STRN: variants seen among roughly 807,000 people sequenced by gnomAD.
The protein encoded by STRN is striatin.
Under a neutral mutation model 96.3 loss-of-function variants are expected in STRN, and 53 were observed. The observed-to-expected ratio is 0.55, with a 90% CI of 0.44 to 0.69. The LOEUF (loss-of-function observed/expected upper bound fraction) is 0.69, where lower values mean the gene tolerates loss of function less well. STRN is among the 30% of genes least tolerant of loss of function. The pLI is 0.00. For missense variants in STRN, 987 were observed against 963.9 expected, an observed-to-expected ratio of 1.02 and a Z score of -0.32; for synonymous variants, 428 against 355.9, an observed-to-expected ratio of 1.20 and a Z score of -2.28.
intron 11 of STRN, 137 bp downstream of exon 11, chr2:36,869,417 C>T: frequency 1.1e-6 from 1 of 873,272 alleles, no homozygotes; most frequent in Non-Finnish European, 1.6e-6. Context: ...AATGGAAAAA[C>T]ACAATAAATT....
In STRN at chr2:36,849,325, A is replaced by G; in HGVS notation, c.*131T>C. On this transcript the variant is annotated 3_prime_UTR_variant, in exon 18 of 18. Transcript: ENST00000263918. ...TATATGAATTGCAAAACTATACTTC[A>G]ACAAATGTTCTCTGTGCTCCTTCAG... is the stretch of plus-strand genomic sequence containing the variant. 1 of 1,110,312 alleles carries G rather than the reference A, an allele frequency of 9.0e-7. No individual in the cohort carries two copies. Among genetic ancestry groups the G allele is most frequent in the East Asian group, 2.5e-5 (1 of 39,814 alleles). 68.8% of individuals were successfully genotyped at this position (1,110,312 alleles called of 1,614,324 possible).
At chr2:36,851,168 G>C (rs1024142529) in intron 15 of STRN, 61 bp from the exon 16 acceptor site, 2 of 1,414,318 alleles carry the variant, frequency 1.4e-6, no homozygotes, top group Admixed American at 1.7e-5. Flanking sequence ...ACACAAAGGA[G>C]AACTGAATTA....
intron 8 of STRN, among the ~76,000 whole-genome samples, chr2:36,885,458 T>G (rs931867996): frequency 1.3e-5 from 2 of 152,178 alleles, no homozygotes; most frequent in African/African-American, 4.8e-5. Context: ...TTGTTAAGAT[T>G]AAATTGTCTA....
chr2:36,915,294 G>A (rs1467812005), intron 3 of STRN, among the ~76,000 whole-genome samples: 3 of 127,794 alleles, frequency 2.3e-5, no homozygotes, highest in Admixed American at 9.3e-5. Context: ...CACAAGGTAC[G>A]TATTTCAGTA....
chr2:36,918,334 T>C (rs1340733004), intron 2 of STRN, among the ~76,000 whole-genome samples: 4 of 152,080 alleles, frequency 2.6e-5, no homozygotes, highest in Non-Finnish European at 5.9e-5. Context: ...TCATTTACCA[T>C]AAGACAAAGT....
intron 1 of STRN, among the ~76,000 whole-genome samples, chr2:36,949,399 C>CAAAAATA (rs898258298): frequency 6.6e-6 from 1 of 151,516 alleles, no homozygotes; most frequent in Non-Finnish European, 1.5e-5. Flanking sequence ...CTATAACAGG[C>CAAAAATA]AAAAATAAAA....
At chr2:36,913,513 C>G (rs373162991) in intron 3 of STRN, among the ~76,000 whole-genome samples, 88 of 152,316 alleles carry the variant, frequency 5.8e-4, no homozygotes, top group Admixed American at 5.7e-3. Context: ...CTCCAAGAAG[C>G]CTTTCTTGAC....
chr2:36,884,909 G>T (rs1572647299), intron 8 of STRN, among the ~76,000 whole-genome samples: 2 of 152,030 alleles, frequency 1.3e-5, no homozygotes, highest in East Asian at 3.9e-4. Context: ...TTTATCCTAA[G>T]TCTTTACTTG....
intron 1 of STRN, among the ~76,000 whole-genome samples, chr2:36,937,001 C>G (rs1294800923): frequency 6.6e-6 from 1 of 152,130 alleles, no homozygotes; most frequent in Non-Finnish European, 1.5e-5. Context: ...CTGACAAAGA[C>G]AGTAGGACCC....
intron 6 of STRN, among the ~76,000 whole-genome samples, chr2:36,895,339 A>C (rs79397256): frequency 6.6e-6 from 1 of 152,016 alleles, no homozygotes; most frequent in African/African-American, 2.4e-5. Flanking sequence ...AAAAAAAAAA[A>C]CACAATTGGA....
chr2:36,911,624 G>C (rs1669967560), intron 3 of STRN, among the ~76,000 whole-genome samples: 1 of 152,138 alleles, frequency 6.6e-6, no homozygotes, highest in African/African-American at 2.4e-5. Flanking sequence ...CTCTAGACCA[G>C]AATCTACCCC....
chr2:36,944,255 G>GA (rs374682245), intron 1 of STRN, among the ~76,000 whole-genome samples: 1 of 151,908 alleles, frequency 6.6e-6, no homozygotes, highest in African/African-American at 2.4e-5. Flanking sequence ...CAGATATAAC[G>GA]AAAAAACGTT....
intron 1 of STRN, among the ~76,000 whole-genome samples, chr2:36,942,853 A>G (rs1405727328): frequency 6.6e-6 from 1 of 151,480 alleles, no homozygotes; most frequent in East Asian, 2.0e-4. Context: ...GCAACACCAC[A>G]CCCAGCTAAT....
intron 2 of STRN, 117 bp from the exon 3 acceptor site, chr2:36,916,268 G>T: frequency 1.2e-6 from 1 of 820,804 alleles, no homozygotes; most frequent in Non-Finnish European, 1.9e-6. Flanking sequence ...AACTTTCAAA[G>T]GCTCATAGCT....
At chr2:36,948,952 T>G (rs142452770) in intron 1 of STRN, among the ~76,000 whole-genome samples, 152 of 152,306 alleles carry the variant, frequency 1.0e-3, no homozygotes, top group African/African-American at 3.5e-3. Context: ...AAGATGACAC[T>G]ATTTTGGTTT....
In STRN at chr2:36,950,213, G is replaced by GTTTT. The variant is rs745506504; in HGVS notation, c.234+16013_234+16016dup. On this transcript the variant is annotated intron_variant, in intron 1 of 17. Transcript: ENST00000263918. ...GTTACTGGTTGGTTGGTTTGGTTTTGTTTTTTTTTTTTTTTTTTTTGAGAC... is the reference window on the plus strand; with the variant it reads ...GTTACTGGTTGGTTGGTTTGGTTTTGTTTTTTTTTTTTTTTTTTTTTTTTGAGAC... 5.4e-4 allele frequency among the ~76,000 whole-genome samples: 59 copies of GTTTT among 109,040 alleles called. 2 individuals carry two copies. The highest frequency in any genetic ancestry group is 3.3e-3 in the East Asian group (11 of 3,328). The allele number at this position is 109,040 out of a possible 152,430, so 71.5% of individuals were successfully genotyped here.
intron 7 of STRN, among the ~76,000 whole-genome samples, chr2:36,892,120 A>G (rs562685098): frequency 1.1e-4 from 17 of 152,342 alleles, no homozygotes; most frequent in Non-Finnish European, 2.5e-4. Context: ...TCTCGAAGGT[A>G]TATTAGAATC....
chr2:36,891,339 C>G (rs1424755653), intron 7 of STRN, among the ~76,000 whole-genome samples: 1 of 152,074 alleles, frequency 6.6e-6, no homozygotes, highest in African/African-American at 2.4e-5. Context: ...CCAGCCTGAC[C>G]AACATGGTGA....
intron 1 of STRN, among the ~76,000 whole-genome samples, chr2:36,952,954 G>A (rs1483890744): frequency 1.3e-5 from 2 of 152,122 alleles, no homozygotes; most frequent in Non-Finnish European, 2.9e-5. Flanking sequence ...AAACAAAAAA[G>A]GAACAAATCC....
Sources: gnomAD v4.1 joint callset for allele counts (sites outside exome capture counted in the v4.1 genomes callset) on GRCh38, gnomAD v4.1.1 for gene constraint, MANE v1.5 for transcripts, NCBI Gene and HGNC (gene_info 2026-07-23, HGNC 2026-07-21) for gene names.